The following CDC40 variants were observed in gnomAD, a reference collection of about 807,000 sequenced individuals.
The protein encoded by CDC40 is cell division cycle 40, also known as pre-mRNA-processing factor 17.
Under a neutral mutation model 80.6 loss-of-function variants are expected in CDC40, and 27 were observed. The observed-to-expected ratio is 0.33, with a 90% confidence interval of 0.25 to 0.46. The LOEUF (loss-of-function observed/expected upper bound fraction) is 0.46. Ranked by LOEUF, CDC40 falls within the 20% of genes least tolerant of loss-of-function variation. CDC40 has a pLI of 1.00. For missense variants in CDC40, 486 were observed against 694.1 expected, an observed-to-expected ratio of 0.70 and a Z score of 3.37; for synonymous variants, 221 against 232.6, an observed-to-expected ratio of 0.95 and a Z score of 0.45.
intron 1 of CDC40, among the ~76,000 whole-genome samples, chr6:110,190,944 A>C (rs1777339239): frequency 6.6e-6 from 1 of 152,112 alleles, no homozygotes; most frequent in East Asian, 1.9e-4. Context: ...ACCACACACC[A>C]CATTGTCATC....
At chr6:110,210,027 A>G (rs1272682443) in intron 5 of CDC40, among the ~76,000 whole-genome samples, 2 of 152,166 alleles carry the variant, frequency 1.3e-5, no homozygotes, top group African/African-American at 4.8e-5. Flanking sequence ...ATGTAAAAAC[A>G]ATTAACTGAA....
At chr6:110,203,935 A>G (rs80206232) in intron 3 of CDC40, among the ~76,000 whole-genome samples, 5,000 of 152,340 alleles carry the variant, frequency 0.033, 147 homozygotes, top group South Asian at 0.12. Flanking sequence ...GGAAAATAGA[A>G]TTTTAAATAA....
chr6:110,195,457 A>G (rs1584065328), intron 2 of CDC40, among the ~76,000 whole-genome samples: 1 of 152,206 alleles, frequency 6.6e-6, no homozygotes, highest in African/African-American at 2.4e-5. Context: ...GAATTGGGCA[A>G]TTCAATCCAG....
intron 1 of CDC40, among the ~76,000 whole-genome samples, chr6:110,184,839 A>C (rs1400130313): frequency 2.0e-5 from 3 of 152,206 alleles, no homozygotes; most frequent in Non-Finnish European, 4.4e-5. Context: ...AAAACAATGT[A>C]AGCTCAAAAT....
rs939721353 is a variant in CDC40, at chr6:110,215,199, C to T, written c.943-87C>T. The T allele has an allele frequency of 2.8e-4, 274 of 994,506 alleles. 2 individuals are homozygous for T. Among genetic ancestry groups the T allele is most frequent in the Non-Finnish European group, 2.5e-4 (155 of 620,408 alleles). The allele number at this position is 994,506 out of a possible 1,614,324, so 61.6% of individuals were successfully genotyped here. ...GCGTTTACACACACAGATGTGCACA[C>T]ACATAACCAGCATAGGGCTGTTGTT... is the stretch of plus-strand genomic sequence containing the variant. On this transcript the variant is annotated intron_variant, in intron 8 of 14. Transcript: ENST00000307731.
At chr6:110,204,409 C>G (rs575280294) in intron 3 of CDC40, among the ~76,000 whole-genome samples, 16 of 152,020 alleles carry the variant, frequency 1.1e-4, no homozygotes, top group African/African-American at 3.6e-4. Context: ...CAGTTTGATT[C>G]CAGTTTTCAC....
chr6:110,210,174 T>A (rs932982358), intron 5 of CDC40, among the ~76,000 whole-genome samples: 3 of 151,972 alleles, frequency 2.0e-5, no homozygotes, highest in Non-Finnish European at 4.4e-5. Flanking sequence ...TTTTGAAAAC[T>A]GATTTTATAT....
chr6:110,201,100 C>T (rs112872807), intron 2 of CDC40, among the ~76,000 whole-genome samples: 2,700 of 152,162 alleles, frequency 0.018, 78 homozygotes, highest in African/African-American at 0.06. Context: ...TATTCTGAGT[C>T]TCCCACTTTG....
chr6:110,212,814 A>G (rs1047824166), intron 7 of CDC40, among the ~76,000 whole-genome samples: 7 of 152,222 alleles, frequency 4.6e-5, no homozygotes, highest in African/African-American at 1.7e-4. Flanking sequence ...AAGTAAAAAA[A>G]GGAAGAGAAG....
At chr6:110,184,392 T>G (rs1340887587) in intron 1 of CDC40, among the ~76,000 whole-genome samples, 1 of 151,820 alleles carries the variant, frequency 6.6e-6, no homozygotes, top group Non-Finnish European at 1.5e-5. Context: ...TTTTGTTTTT[T>G]TTTTTCTCCC....
At chr6:110,193,794 A>T (rs957654245) in intron 2 of CDC40, among the ~76,000 whole-genome samples, 1 of 152,224 alleles carries the variant, frequency 6.6e-6, no homozygotes, top group Non-Finnish European at 1.5e-5. Flanking sequence ...ATCTGTCTAC[A>T]TACAGATGTC....
At chr6:110,223,987 C>T (rs1025882901) in intron 12 of CDC40, among the ~76,000 whole-genome samples, 5 of 152,154 alleles carry the variant, frequency 3.3e-5, no homozygotes, top group African/African-American at 1.2e-4. Context: ...AATGCGCCAC[C>T]ATGCTCAGCT....
chr6:110,222,132 G>A (rs1317285481), intron 12 of CDC40, among the ~76,000 whole-genome samples: 1 of 152,104 alleles, frequency 6.6e-6, no homozygotes, highest in Non-Finnish European at 1.5e-5. Context: ...GCACAGGCCT[G>A]TAGTCCCAGC....
At chr6:110,185,333 C>T (rs1457223853) in intron 1 of CDC40, among the ~76,000 whole-genome samples, 1 of 148,500 alleles carries the variant, frequency 6.7e-6, no homozygotes. Flanking sequence ...AGCTCCGCCT[C>T]CCGGGTTCAC....
intron 9 of CDC40, among the ~76,000 whole-genome samples, chr6:110,216,145 T>TA (rs1777697102): frequency 1.3e-5 from 2 of 151,950 alleles, no homozygotes; most frequent in African/African-American, 4.8e-5. Context: ...AGCTAAAGCA[T>TA]AAAAAAAGGA....
At position 110,205,839 on chromosome 6, in the gene CDC40, T is replaced by C. The variant is rs567841886; in HGVS notation, c.407-1667T>C. Among the ~76,000 whole-genome samples, 3 of 152,356 alleles carry C rather than the reference T, an allele frequency of 2.0e-5. No homozygotes were observed. In the South Asian group the frequency reaches 6.2e-4, roughly 32 times the overall value. On this transcript the variant is annotated intron_variant, in intron 3 of 14. Coordinates refer to ENST00000307731, the MANE Select transcript of CDC40 (RefSeq NM_015891.3). ...GTCTCATTTTTTGGAAAAAGTTATG[T>C]GCAGAACACTTCTGTACATCAAAGA...
chr6:110,196,728 T>G (rs1390742357), intron 2 of CDC40, among the ~76,000 whole-genome samples: 2 of 152,146 alleles, frequency 1.3e-5, no homozygotes, highest in East Asian at 3.8e-4. Flanking sequence ...CCAAAGATCA[T>G]AGAACCAGCA....
intron 7 of CDC40, among the ~76,000 whole-genome samples, chr6:110,212,478 G>C (rs769399611): frequency 5.9e-5 from 9 of 152,192 alleles, no homozygotes; most frequent in Non-Finnish European, 1.3e-4. Flanking sequence ...AATTGGCCAT[G>C]ACATAGCATT....
chr6:110,194,012 G>A (rs1777386280), intron 2 of CDC40, among the ~76,000 whole-genome samples: 1 of 152,224 alleles, frequency 6.6e-6, no homozygotes, highest in South Asian at 2.1e-4. Flanking sequence ...CTGCCAGAAA[G>A]TAGTCACAGT....
Sources: gnomAD v4.1 joint callset for allele counts (sites outside exome capture counted in the v4.1 genomes callset) on GRCh38, gnomAD v4.1.1 for gene constraint, MANE v1.5 for transcripts, NCBI Gene and HGNC (gene_info 2026-07-23, HGNC 2026-07-21) for gene names.